Variants in BMPR1A observed in about 807,000 individuals in gnomAD.
BMPR1A encodes the protein bone morphogenetic protein receptor type 1A.
BMPR1A carries 7 observed loss-of-function variants against 66.0 expected under a neutral mutation model. The observed-to-expected ratio is 0.11, with a 90% CI of 0.06 to 0.20. The LOEUF is 0.20. Among genes scored for constraint, BMPR1A ranks in the 10% least tolerant of loss-of-function variants. The probability of loss-of-function intolerance (pLI) is 1.00; values close to 1 mark genes in which losing one functional copy is unlikely to be tolerated. For missense variants in BMPR1A, 408 were observed against 669.1 expected (o/e 0.61, Z 4.31); for synonymous variants, 200 against 229.7 (o/e 0.87, Z 1.17).
chr10:86,774,557 G>GA (rs1841315585), intron 1 of BMPR1A, among the ~76,000 whole-genome samples: 1 of 152,076 alleles, frequency 6.6e-6, no homozygotes, highest in Non-Finnish European at 1.5e-5. Flanking sequence ...TTAGAGGAAA[G>GA]AAAAAGTATG....
Position 86,900,046 on chromosome 10 carries a change from C to T in BMPR1A, c.450C>T (p.Ser150=), listed in dbSNP as rs763210375. The T allele has an allele frequency of 6.2e-7, 1 of 1,614,056 alleles. No homozygotes were observed. Among genetic ancestry groups the T allele is most frequent in the South Asian group, 1.1e-5 (1 of 91,070 alleles). ...TGTCAGGTCCGTTTTTTGATGGCAG[C>T]ATTCGATGGCTGGTTTTGCTCATTT... ...PVVIGPFFDG[S]IRWLVLLISM... The change falls in exon 7 of 13, where the codon AGC becomes AGT. Residue 150 remains serine, a synonymous_variant. Transcript: ENST00000372037.
At chr10:86,793,015 G>C (rs1239811721) in intron 1 of BMPR1A, among the ~76,000 whole-genome samples, 1 of 151,862 alleles carries the variant, frequency 6.6e-6, no homozygotes, top group African/African-American at 2.4e-5. Flanking sequence ...CCACTGCTTT[G>C]TTTCTTTCTG....
intron 2 of BMPR1A, among the ~76,000 whole-genome samples, chr10:86,862,241 G>A (rs1589751029): frequency 6.6e-6 from 1 of 152,188 alleles, no homozygotes; most frequent in South Asian, 2.1e-4. Context: ...TAAATAGGGT[G>A]GGCAGGAAGC....
intron 1 of BMPR1A, among the ~76,000 whole-genome samples, chr10:86,771,515 A>G (rs1841261475): frequency 6.6e-6 from 1 of 152,300 alleles, no homozygotes; most frequent in East Asian, 1.9e-4. Context: ...TGCAGAGGTT[A>G]AGTAGCTTGT....
chr10:86,854,498 A>G (rs139353299), intron 2 of BMPR1A, among the ~76,000 whole-genome samples: 19 of 152,354 alleles, frequency 1.2e-4, no homozygotes, highest in African/African-American at 3.8e-4. Context: ...GGCATAAGAA[A>G]TTACAAAAGT....
intron 11 of BMPR1A, among the ~76,000 whole-genome samples, chr10:86,922,051 C>CA (rs1843673119): frequency 6.6e-6 from 1 of 152,168 alleles, no homozygotes; most frequent in Admixed American, 6.5e-5. Flanking sequence ...CATCCCCCCC[C>CA]ATCTGCTGCT....
chr10:86,882,210 C>G (rs1038558639), intron 3 of BMPR1A, among the ~76,000 whole-genome samples: 1 of 151,974 alleles, frequency 6.6e-6, no homozygotes, highest in African/African-American at 2.4e-5. Flanking sequence ...GGTGCAGTGG[C>G]TCAGGAGTTC....
chr10:86,902,558 AC>A (rs1696407773), intron 7 of BMPR1A, among the ~76,000 whole-genome samples: 1 of 152,156 alleles, frequency 6.6e-6, no homozygotes. Context: ...ACCTAAAAAT[AC>A]TGCTGTTAGG....
chr10:86,829,289 G>A (rs1033053189), intron 1 of BMPR1A, among the ~76,000 whole-genome samples: 4 of 151,924 alleles, frequency 2.6e-5, no homozygotes, highest in Non-Finnish European at 4.4e-5. Context: ...AATATATCTC[G>A]TATAGTCCTT....
chr10:86,894,085 T>A (rs1445696212), intron 5 of BMPR1A, among the ~76,000 whole-genome samples: 1 of 152,230 alleles, frequency 6.6e-6, no homozygotes, highest in East Asian at 1.9e-4. Context: ...ACTTCCTCAG[T>A]GTAATATGCA....
chr10:86,802,624 T>C (rs1841827703), intron 1 of BMPR1A, among the ~76,000 whole-genome samples: 1 of 151,578 alleles, frequency 6.6e-6, no homozygotes, highest in Non-Finnish European at 1.5e-5. Context: ...GGTGCAAGCT[T>C]GAGGGAGAAA....
At chr10:86,828,493 A>G (rs1360206964) in intron 1 of BMPR1A, among the ~76,000 whole-genome samples, 1 of 152,228 alleles carries the variant, frequency 6.6e-6, no homozygotes, top group Non-Finnish European at 1.5e-5. Context: ...TGAAACAAAT[A>G]GCAGCATGTA....
At chr10:86,892,072 T>C in intron 4 of BMPR1A, 55 bp from the exon 5 acceptor site, 1 of 1,435,752 alleles carries the variant, frequency 7.0e-7, no homozygotes, top group Admixed American at 1.7e-5. Context: ...CAAATTTCGT[T>C]AGTACTTTCT....
At chr10:86,812,925 A>T (rs1315761720) in intron 1 of BMPR1A, among the ~76,000 whole-genome samples, 1 of 152,198 alleles carries the variant, frequency 6.6e-6, no homozygotes, top group East Asian at 1.9e-4. Flanking sequence ...ATCATAGAGA[A>T]TAGTTTCACT....
chr10:86,823,390 G>A (rs982530951), intron 1 of BMPR1A, among the ~76,000 whole-genome samples: 10 of 152,162 alleles, frequency 6.6e-5, no homozygotes, highest in Non-Finnish European at 1.2e-4. Context: ...GATTGGGTAC[G>A]GAGGAGGTTA....
intron 4 of BMPR1A, among the ~76,000 whole-genome samples, chr10:86,890,631 G>T (rs1589763642): frequency 1.3e-5 from 2 of 151,836 alleles, no homozygotes; most frequent in East Asian, 3.9e-4. Context: ...ACAGGATCTT[G>T]CTATGTTGCC....
In BMPR1A at chr10:86,813,549, T is replaced by G. The variant is rs78315953; in HGVS notation, c.-267-25316T>G. Among the ~76,000 whole-genome samples, 79 of 152,366 alleles carry G rather than the reference T, an allele frequency of 5.2e-4. 2 individuals are homozygous for G. In the East Asian group the frequency reaches 0.01, roughly 20 times the overall value. ...ATATTTGATAATTACTCGTTTATTT[T>G]GTCACATATTATGTCTCTGACAGTT... On this transcript the variant is annotated intron_variant, in intron 1 of 12. Coordinates refer to ENST00000372037, the MANE Select transcript of BMPR1A (RefSeq NM_004329.3).
At chr10:86,864,519 C>T (rs118099312) in intron 2 of BMPR1A, among the ~76,000 whole-genome samples, 5,200 of 152,258 alleles carry the variant, frequency 0.034, 126 homozygotes, top group Non-Finnish European at 0.05. Context: ...AGGACAACTC[C>T]GAGGCCTTGA....
intron 1 of BMPR1A, among the ~76,000 whole-genome samples, chr10:86,773,317 G>C (rs1257363547): frequency 1.3e-5 from 2 of 151,994 alleles, no homozygotes; most frequent in Non-Finnish European, 2.9e-5. Context: ...GGCCAGGTGT[G>C]GTGGCTCACG....
Sources: gnomAD v4.1 joint callset for allele counts (sites outside exome capture counted in the v4.1 genomes callset) on GRCh38, gnomAD v4.1.1 for gene constraint, MANE v1.5 for transcripts, NCBI Gene and HGNC (gene_info 2026-07-23, HGNC 2026-07-21) for gene names.